XKR4: variants seen among roughly 807,000 people sequenced by gnomAD.
The protein encoded by XKR4 is XK-related protein 4.
Under a neutral mutation model 53.9 loss-of-function variants are expected in XKR4, and 12 were observed. That is an observed-to-expected ratio of 0.22 (90% CI 0.14 to 0.36). The LOEUF (loss-of-function observed/expected upper bound fraction) is 0.36, where lower values mean the gene tolerates loss of function less well. Ranked by LOEUF, XKR4 falls within the 10% of genes least tolerant of loss-of-function variation. The pLI is 1.00. For synonymous variants in XKR4, 354 were observed against 362.4 expected, an observed-to-expected ratio of 0.98 and a Z score of 0.26; for missense variants, 799 against 859.5, an observed-to-expected ratio of 0.93 and a Z score of 0.88.
In XKR4 at chr8:55,124,037, A is replaced by G. The variant is rs139907790; in HGVS notation, c.806+20743A>G. Among the ~76,000 whole-genome samples, 8 of 152,244 alleles carry G rather than the reference A, an allele frequency of 5.3e-5. No individual in the cohort carries two copies. In the South Asian group the frequency reaches 8.3e-4, roughly 16 times the overall value. On this transcript the variant is annotated intron_variant, in intron 1 of 2. Coordinates refer to ENST00000327381, the MANE Select transcript of XKR4 (RefSeq NM_052898.2). ...TTTTTGTTTTGCCACTATCTTTAAA[A>G]CAAGGTGAGTTTTCTTGTCTTAAAT... is the stretch of plus-strand genomic sequence containing the variant.
At chr8:55,379,205 T>C (rs940746369) in intron 2 of XKR4, among the ~76,000 whole-genome samples, 1 of 152,234 alleles carries the variant, frequency 6.6e-6, no homozygotes, top group African/African-American at 2.4e-5. Context: ...CAGCTCATCA[T>C]GTCAGCTCCT....
intron 1 of XKR4, among the ~76,000 whole-genome samples, chr8:55,277,733 C>T (rs1049627197): frequency 4.6e-5 from 7 of 152,134 alleles, no homozygotes; most frequent in African/African-American, 1.7e-4. Context: ...ATACACATAT[C>T]TCCTCAAACA....
At chr8:55,297,250 G>A (rs192467910) in intron 1 of XKR4, among the ~76,000 whole-genome samples, 2 of 152,144 alleles carry the variant, frequency 1.3e-5, no homozygotes, top group Non-Finnish European at 2.9e-5. Flanking sequence ...GACTAGAAAC[G>A]TGAGATTTGA....
intron 1 of XKR4, among the ~76,000 whole-genome samples, chr8:55,110,635 G>A (rs1309772863): frequency 1.3e-5 from 2 of 152,104 alleles, no homozygotes; most frequent in African/African-American, 2.4e-5. Flanking sequence ...TTTGTGAATC[G>A]CTAGTTACAC....
intron 2 of XKR4, among the ~76,000 whole-genome samples, chr8:55,424,307 C>T (rs1169458749): frequency 6.6e-6 from 1 of 152,216 alleles, no homozygotes; most frequent in African/African-American, 2.4e-5. Context: ...GCCAAGTAGA[C>T]CATAACCATA....
At chr8:55,430,238 T>C (rs1805082578) in intron 2 of XKR4, among the ~76,000 whole-genome samples, 1 of 152,192 alleles carries the variant, frequency 6.6e-6, no homozygotes, top group Non-Finnish European at 1.5e-5. Context: ...GAAAATAGTT[T>C]GGCAATTTCT....
intron 2 of XKR4, among the ~76,000 whole-genome samples, chr8:55,361,596 C>T (rs571957049): frequency 2.9e-4 from 44 of 152,160 alleles, no homozygotes; most frequent in Non-Finnish European, 4.7e-4. Flanking sequence ...CCCGTGCCCT[C>T]TTCCTTCCCT....
intron 2 of XKR4, among the ~76,000 whole-genome samples, chr8:55,365,141 G>C (rs1304943247): frequency 6.6e-6 from 1 of 152,228 alleles, no homozygotes; most frequent in African/African-American, 2.4e-5. Flanking sequence ...ACAGCCTCAG[G>C]ACCCCTGGGA....
intron 2 of XKR4, among the ~76,000 whole-genome samples, chr8:55,441,899 A>T (rs1053283948): frequency 2.6e-5 from 4 of 152,124 alleles, no homozygotes; most frequent in African/African-American, 9.7e-5. Context: ...ATATATTGGA[A>T]AAAGAAGAAA....
rs996927015 is a variant in XKR4 at position 55,332,583 on chromosome 8, T to C, written c.807-25095T>C. On this transcript the variant is annotated intron_variant, in intron 1 of 2. Coordinates refer to ENST00000327381, the MANE Select transcript of XKR4 (RefSeq NM_052898.2). The stretch of plus-strand genomic sequence containing the variant: ...GTGTTGCCAGATATGGAATTCTTAG[T>C]TGACAGTTTTTTCCCCCTTTCAGTT... Among the ~76,000 whole-genome samples the C allele has an allele frequency of 2.0e-5, 3 of 152,096 alleles. No individual in the cohort carries two copies. In the East Asian group the frequency reaches 5.8e-4, roughly 29 times the overall value.
intron 2 of XKR4, among the ~76,000 whole-genome samples, chr8:55,479,945 G>T (rs112894147): frequency 6.6e-6 from 1 of 152,308 alleles, no homozygotes; most frequent in South Asian, 2.1e-4. Flanking sequence ...GGACCAGACG[G>T]ATTCACTGCC....
intron 2 of XKR4, chr8:55,452,229 C>T: frequency 1.5e-6 from 1 of 656,832 alleles, no homozygotes; most frequent in Non-Finnish European, 2.8e-6. Context: ...CTGGAATGTG[C>T]AGGAGCGCAG....
chr8:55,334,835 A>G (rs1366680415), intron 1 of XKR4, among the ~76,000 whole-genome samples: 1 of 152,176 alleles, frequency 6.6e-6, no homozygotes, highest in Non-Finnish European at 1.5e-5. Context: ...GACTGGGGTT[A>G]TGTGACCTCT....
intron 2 of XKR4, among the ~76,000 whole-genome samples, chr8:55,420,331 G>T (rs1288157832): frequency 6.6e-6 from 1 of 152,072 alleles, no homozygotes; most frequent in African/African-American, 2.4e-5. Flanking sequence ...AAAGACACAT[G>T]CACACGTATG....
intron 1 of XKR4, among the ~76,000 whole-genome samples, chr8:55,133,977 A>C (rs542734812): frequency 6.6e-6 from 1 of 152,318 alleles, no homozygotes; most frequent in South Asian, 2.1e-4. Context: ...GAGATTCACA[A>C]ATTCAACTTT....
intron 1 of XKR4, among the ~76,000 whole-genome samples, chr8:55,343,924 G>C (rs1803595226): frequency 6.6e-6 from 1 of 152,224 alleles, no homozygotes; most frequent in Non-Finnish European, 1.5e-5. Context: ...CAAAATGATT[G>C]CATTTGGACC....
chr8:55,478,778 C>T (rs1748223698), intron 2 of XKR4, among the ~76,000 whole-genome samples: 1 of 151,980 alleles, frequency 6.6e-6, no homozygotes, highest in South Asian at 2.1e-4. Context: ...GACTTTAAAC[C>T]AACAGAGATC....
intron 1 of XKR4, among the ~76,000 whole-genome samples, chr8:55,209,264 G>C (rs569005587): frequency 6.6e-6 from 1 of 151,876 alleles, no homozygotes; most frequent in South Asian, 2.1e-4. Flanking sequence ...CCACTTGCTA[G>C]AGGCATGCAC....
At chr8:55,479,600 T>A (rs1009345134) in intron 2 of XKR4, among the ~76,000 whole-genome samples, 3 of 152,112 alleles carry the variant, frequency 2.0e-5, no homozygotes, top group African/African-American at 7.2e-5. Context: ...AAAAAATTAA[T>A]GAATCCAGGA....
Sources: gnomAD v4.1 joint callset for allele counts (sites outside exome capture counted in the v4.1 genomes callset) on GRCh38, gnomAD v4.1.1 for gene constraint, MANE v1.5 for transcripts, NCBI Gene and HGNC (gene_info 2026-07-23, HGNC 2026-07-21) for gene names.